FRMD6: variants seen among roughly 807,000 people sequenced by gnomAD.
The protein encoded by FRMD6 is FERM domain-containing protein 6.
FRMD6 carries 37 observed loss-of-function variants against 73.2 expected under a neutral mutation model. The observed-to-expected ratio is 0.51, with a 90% CI of 0.39 to 0.66. The LOEUF is 0.66. Among genes scored for constraint, FRMD6 ranks in the 30% least tolerant of loss-of-function variants. The pLI, the probability that FRMD6 is intolerant of heterozygous loss-of-function variation, is 0.00. For synonymous variants in FRMD6, 273 were observed against 282.2 expected, an observed-to-expected ratio of 0.97 and a Z score of 0.33; for missense variants, 714 against 780.5, an observed-to-expected ratio of 0.91 and a Z score of 1.02.
chr14:51,517,714 T>C (rs1283866528), intron 1 of FRMD6, among the ~76,000 whole-genome samples: 1 of 152,106 alleles, frequency 6.6e-6, no homozygotes, highest in African/African-American at 2.4e-5. Flanking sequence ...TGGGCTGAAA[T>C]GTAATTCTTC....
chr14:51,647,188 A>T (rs1382463646), upstream of FRMD6, among the ~76,000 whole-genome samples: 1 of 152,120 alleles, frequency 6.6e-6, no homozygotes, highest in African/African-American at 2.4e-5. Context: ...GATGATCAGG[A>T]GAATAGAATT....
intron 1 of FRMD6, among the ~76,000 whole-genome samples, chr14:51,552,121 C>T (rs1183154283): frequency 1.3e-5 from 2 of 152,088 alleles, no homozygotes; most frequent in Admixed American, 1.3e-4. Flanking sequence ...AAATTTTGAG[C>T]TTTCAATGTT....
chr14:51,633,062 T>C (rs1320034020), intron 2 of FRMD6, among the ~76,000 whole-genome samples: 1 of 152,188 alleles, frequency 6.6e-6, no homozygotes, highest in African/African-American at 2.4e-5. Context: ...GAATTTGCTT[T>C]AAAATATCTA....
Position 51,621,006 on chromosome 14 carries a change from A to G in FRMD6, c.-147+50596A>G, listed in dbSNP as rs145754552. On this transcript the variant is annotated intron_variant, in intron 2 of 14. Transcript: ENST00000356218. ...TTGCCAGAGTTTGCTGATAGAATCAACTTTGTTTGCTGCAGTGGGGCTTTC... is the reference window on the plus strand; with the variant it reads ...TTGCCAGAGTTTGCTGATAGAATCAGCTTTGTTTGCTGCAGTGGGGCTTTC... Among the ~76,000 whole-genome samples the G allele has an allele frequency of 1.0e-3, 155 of 152,346 alleles. 2 individuals are homozygous for G. The highest frequency in any genetic ancestry group is 7.9e-4 in the Non-Finnish European group (54 of 68,038).
At chr14:51,518,554 T>G (rs942299299) in intron 1 of FRMD6, among the ~76,000 whole-genome samples, 1 of 152,256 alleles carries the variant, frequency 6.6e-6, no homozygotes, top group South Asian at 2.1e-4. Flanking sequence ...CATATGACAC[T>G]ATTTATAAAC....
chr14:51,532,372 A>C (rs1365711254), intron 1 of FRMD6, among the ~76,000 whole-genome samples: 32 of 63,766 alleles, frequency 5.0e-4, no homozygotes, highest in African/African-American at 1.9e-3. Flanking sequence ...CCATCTCAAA[A>C]AAAAAAAAAA....
the FRMD6 span, among the ~76,000 whole-genome samples, chr14:51,450,721 C>T: frequency 6.6e-6 from 1 of 152,166 alleles, no homozygotes; most frequent in South Asian, 2.1e-4. Context: ...AAAAAGCCAT[C>T]ATTTGGGCCA....
At chr14:51,698,857 C>A (rs1896113577) in intron 3 of FRMD6, among the ~76,000 whole-genome samples, 1 of 151,972 alleles carries the variant, frequency 6.6e-6, no homozygotes, top group African/African-American at 2.4e-5. Context: ...ATTTCTGGGA[C>A]TTCTCTAAAG....
At chr14:51,719,113 A>G (rs1488715833) in intron 10 of FRMD6, among the ~76,000 whole-genome samples, 2 of 152,178 alleles carry the variant, frequency 1.3e-5, no homozygotes, top group African/African-American at 4.8e-5. Context: ...AGGAATCTAA[A>G]CTTCTTCCTT....
chr14:51,498,140 C>A (rs1883408286), intron 1 of FRMD6, among the ~76,000 whole-genome samples: 1 of 152,156 alleles, frequency 6.6e-6, no homozygotes, highest in Non-Finnish European at 1.5e-5. Context: ...TCTTCTATAC[C>A]TTATCAGGCA....
At chr14:51,513,409 C>G (rs1051912923) in intron 1 of FRMD6, among the ~76,000 whole-genome samples, 1 of 152,136 alleles carries the variant, frequency 6.6e-6, no homozygotes, top group African/African-American at 2.4e-5. Context: ...GAACAGATTC[C>G]TTTGCCATTC....
intron 2 of FRMD6, among the ~76,000 whole-genome samples, chr14:51,696,728 CG>C (rs1566573591): frequency 2.8e-5 from 4 of 144,550 alleles, no homozygotes; most frequent in African/African-American, 1.0e-4. Context: ...GCCCAGGCAA[CG>C]TAGTGAGAGA....
At chr14:51,516,619 G>A (rs1884652582) in intron 1 of FRMD6, among the ~76,000 whole-genome samples, 1 of 152,148 alleles carries the variant, frequency 6.6e-6, no homozygotes, top group African/African-American at 2.4e-5. Flanking sequence ...TCTTGAGTAT[G>A]TAAAAAAATA....
At chr14:51,569,206 C>T (rs768934267) in intron 1 of FRMD6, among the ~76,000 whole-genome samples, 3 of 152,174 alleles carry the variant, frequency 2.0e-5, no homozygotes, top group Non-Finnish European at 4.4e-5. Context: ...GCTACACAGA[C>T]GTGCCTCTCA....
At chr14:51,430,791 G>C in the FRMD6 span, among the ~76,000 whole-genome samples, 1 of 152,164 alleles carries the variant, frequency 6.6e-6, no homozygotes, top group Admixed American at 6.5e-5. Flanking sequence ...ATTACCATTT[G>C]TATTCAAGGG....
intron 1 of FRMD6, among the ~76,000 whole-genome samples, chr14:51,673,388 C>G (rs1374135155): frequency 6.6e-6 from 1 of 152,126 alleles, no homozygotes; most frequent in Non-Finnish European, 1.5e-5. Flanking sequence ...TGCTGCCCCC[C>G]AAATTCTAGC....
At chr14:51,543,656 A>G (rs1337302215) in intron 1 of FRMD6, among the ~76,000 whole-genome samples, 2 of 152,068 alleles carry the variant, frequency 1.3e-5, no homozygotes, top group East Asian at 3.9e-4. Context: ...ATAGATGCTG[A>G]AAAGATTATA....
intron 1 of FRMD6, among the ~76,000 whole-genome samples, chr14:51,520,631 G>A (rs748361987): frequency 7.6e-4 from 115 of 152,284 alleles, no homozygotes; most frequent in Middle Eastern, 3.4e-3. Context: ...TGGCGAGTAC[G>A]GTGGCTCACC....
rs59163686 is a variant in FRMD6, at chr14:51,498,454, G to A, written c.-210+9034G>A. Among the ~76,000 whole-genome samples, 1,045 of 152,158 alleles carry A rather than the reference G, an allele frequency of 6.9e-3. 15 individuals carry two copies. Among genetic ancestry groups the A allele is most frequent in the African/African-American group, 0.025 (1,018 of 41,484 alleles). On this transcript the variant is annotated intron_variant, in intron 1 of 14. Transcript: ENST00000356218. The stretch of plus-strand genomic sequence containing the variant: ...TTGCAGAGTAACAAGTGATTCCGAC[G>A]CTTAGTGACTTAAAACAATAATTTG...
Sources: allele counts gnomAD v4.1 joint callset (sites outside exome capture counted in the v4.1 genomes callset), GRCh38; gene constraint gnomAD v4.1.1; transcripts MANE v1.5; gene names NCBI Gene and HGNC (gene_info 2026-07-23, HGNC 2026-07-21).